Variants in WDR5 observed in about 807,000 individuals in gnomAD.
WDR5 encodes the protein WD repeat-containing protein 5.
For missense variants in WDR5, 187 were observed against 416.9 expected (o/e 0.45, Z 4.80); for synonymous variants, 144 against 161.6 (o/e 0.89, Z 0.83).
intron 7 of WDR5, among the ~76,000 whole-genome samples, chr9:134,145,756 C>T (rs1832160552): frequency 6.6e-6 from 1 of 152,138 alleles, no homozygotes; most frequent in Non-Finnish European, 1.5e-5. Context: ...CTGCCGACCC[C>T]CATCATCCAC....
chr9:134,148,186 CTTTTTTTTTTTTTT>C (rs34443303), intron 7 of WDR5, 88 bp from the exon 8 acceptor site: 12 of 285,760 alleles, frequency 4.2e-5, no homozygotes, highest in South Asian at 8.1e-5. Context: ...ATAACTCAGT[CTTTTTTTTTTTTTT>C]TTTTTTTTTT....
intron 7 of WDR5, among the ~76,000 whole-genome samples, chr9:134,143,828 TA>T (rs201310780): frequency 0.12 from 18,041 of 146,604 alleles, 1,394 homozygotes; most frequent in East Asian, 0.23. Context: ...ACTCTGTCTT[TA>T]AAAAAAAAAA....
At chr9:134,151,822 T>C (rs1832501757) in intron 8 of WDR5, among the ~76,000 whole-genome samples, 161 bp from the exon 9 acceptor site, 1 of 152,116 alleles carries the variant, frequency 6.6e-6, no homozygotes, top group South Asian at 2.1e-4. Context: ...TTAGTCTTTG[T>C]CCCTAGAATA....
intron 7 of WDR5, among the ~76,000 whole-genome samples, chr9:134,146,785 GT>G (rs1832227518): frequency 6.6e-6 from 1 of 152,246 alleles, no homozygotes; most frequent in African/African-American, 2.4e-5. Flanking sequence ...ATAAGAGACT[GT>G]TTTGCACATT....
chr9:134,157,774 T>A lies in WDR5; in HGVS notation c.905-119T>A. The stretch of plus-strand genomic sequence containing the variant: ...GGCAGTGGGTGCTTGTCCTGTGACC[T>A]CCCAGGTGGCGGGCAGGCGCTACCC... On this transcript the variant is annotated intron_variant, in intron 13 of 13. Coordinates refer to ENST00000358625, the MANE Select transcript of WDR5 (RefSeq NM_017588.3). This position sits in a 1 kb window ranked among gnomAD's most constrained non-coding sequence, Gnocchi z 5.0. 1 of 885,116 alleles carries A rather than the reference T, an allele frequency of 1.1e-6. No individual in the cohort carries two copies. Among genetic ancestry groups the A allele is most frequent in the Non-Finnish European group, 1.8e-6 (1 of 563,208 alleles). The allele number at this position is 885,116 out of a possible 1,614,324, so 54.8% of individuals were successfully genotyped here.
chr9:134,152,813 G>T (rs914263343), intron 9 of WDR5, among the ~76,000 whole-genome samples: 1 of 152,184 alleles, frequency 6.6e-6, no homozygotes, highest in African/African-American at 2.4e-5. Context: ...GCAGGAATGT[G>T]TCTCCCCGCA....
At chr9:134,137,317 C>T (rs1564186053) in intron 1 of WDR5, among the ~76,000 whole-genome samples, 1 of 152,170 alleles carries the variant, frequency 6.6e-6, no homozygotes, top group Non-Finnish European at 1.5e-5. Context: ...CCGCTTTCCT[C>T]AAGATCAAGT....
At position 134,157,666 on chromosome 9, in the gene WDR5, C is replaced by T. The variant is rs753725260; in HGVS notation, c.905-227C>T. Among the ~76,000 whole-genome samples, 1 of 152,080 alleles carries T rather than the reference C, an allele frequency of 6.6e-6. No individual in the cohort carries two copies. Among genetic ancestry groups the T allele is most frequent in the Non-Finnish European group, 1.5e-5 (1 of 68,004 alleles). ...CTGGCACTCCCTGTGGCCTCCTGCCCCTGTCCCCCAACCGGCTGTGTCGCC... is the reference window on the plus strand; with the variant it reads ...CTGGCACTCCCTGTGGCCTCCTGCCTCTGTCCCCCAACCGGCTGTGTCGCC... On this transcript the variant is annotated intron_variant, in intron 13 of 13. Coordinates refer to ENST00000358625, the MANE Select transcript of WDR5 (RefSeq NM_017588.3). This position sits in a 1 kb window ranked among gnomAD's most constrained non-coding sequence, Gnocchi z 5.0.
intron 7 of WDR5, among the ~76,000 whole-genome samples, chr9:134,144,435 GAATT>G (rs2132542721): frequency 6.6e-6 from 1 of 152,362 alleles, no homozygotes; most frequent in South Asian, 2.1e-4. Flanking sequence ...TTGGAAGAAA[GAATT>G]CTGTGAGCAT....
chr9:134,145,096 G>GTTTTTTTTGTTTTTT (rs1832110289), intron 7 of WDR5, among the ~76,000 whole-genome samples: 1 of 104,664 alleles, frequency 9.6e-6, no homozygotes, highest in African/African-American at 3.4e-5. Flanking sequence ...GTGGGGCTTT[G>GTTTTTTTTGTTTTTT]TTTTTTTTTT....
At chr9:134,150,817 G>A (rs1331712954) in intron 8 of WDR5, among the ~76,000 whole-genome samples, 2 of 152,068 alleles carry the variant, frequency 1.3e-5, no homozygotes, top group South Asian at 2.1e-4. Context: ...CTAGCTACGT[G>A]GTGTGATCTC....
chr9:134,156,394 C>A, intron 12 of WDR5, 112 bp from the exon 13 acceptor site: 1 of 1,087,900 alleles, frequency 9.2e-7, no homozygotes, highest in Non-Finnish European at 1.4e-6. Flanking sequence ...GCGAGGCAGC[C>A]ACCAGCAGGG....
chr9:134,135,275 A>G (rs950259168), upstream of WDR5: 3 of 152,170 alleles, frequency 2.0e-5, no homozygotes, highest in Admixed American at 6.5e-5. Context: ...TAAGCCCCTG[A>G]GTCCTCCTCT....
At chr9:134,154,327 G>T (rs1832650072) in intron 9 of WDR5, 139 bp from the exon 10 acceptor site, 1 of 851,220 alleles carries the variant, frequency 1.2e-6, no homozygotes, top group South Asian at 1.5e-5. Context: ...GGGGCGGCGA[G>T]GGGTGGTGGT....
Position 134,158,081 on chromosome 9 carries a change from C to A in WDR5, c.*88C>A, listed in dbSNP as rs1352652423. The A allele has an allele frequency of 1.6e-6, 2 of 1,229,912 alleles. No homozygotes were observed. Among genetic ancestry groups the A allele is most frequent in the Non-Finnish European group, 2.4e-6 (2 of 840,806 alleles). 76.2% of individuals were successfully genotyped at this position (1,229,912 alleles called of 1,614,324 possible). Reference sequence around the variant, plus strand: ...GTGTCTTGGAGGTGGTCCCCCAGATCTGCGCCTGGGGGTCAGGACAGGGCC... The same window carrying A: ...GTGTCTTGGAGGTGGTCCCCCAGATATGCGCCTGGGGGTCAGGACAGGGCC... On this transcript the variant is annotated 3_prime_UTR_variant, in exon 14 of 14. Coordinates refer to ENST00000358625, the MANE Select transcript of WDR5 (RefSeq NM_017588.3).
chr9:134,138,870 G>A (rs1231482306), intron 1 of WDR5, among the ~76,000 whole-genome samples: 2 of 152,296 alleles, frequency 1.3e-5, no homozygotes, highest in South Asian at 2.1e-4. Context: ...CTGGGATTCC[G>A]ATGGCCAGTG....
At chr9:134,149,148 C>T (rs918891967) in intron 8 of WDR5, among the ~76,000 whole-genome samples, 9 of 152,140 alleles carry the variant, frequency 5.9e-5, no homozygotes, top group East Asian at 1.9e-4. Flanking sequence ...TGACTGTTGG[C>T]GTGGGGATCC....
chr9:134,153,311 G>A (rs569682250), intron 9 of WDR5, among the ~76,000 whole-genome samples: 3 of 152,178 alleles, frequency 2.0e-5, no homozygotes, highest in East Asian at 1.9e-4. Flanking sequence ...CAGCCTGGGC[G>A]CCCCTGAGCC....
intron 8 of WDR5, among the ~76,000 whole-genome samples, chr9:134,149,810 TGGAAGCACCGCAGCG>T (rs1484361592): frequency 6.6e-6 from 1 of 152,176 alleles, no homozygotes; most frequent in Non-Finnish European, 1.5e-5. Context: ...AGGAGGTGGT[TGGAAGCACCGCAGCG>T]GGAGGAAGCG....
Sources: allele counts gnomAD v4.1 joint callset (sites outside exome capture counted in the v4.1 genomes callset), GRCh38; gene constraint gnomAD v4.1.1; non-coding constraint Gnocchi (gnomAD v3.1); transcripts MANE v1.5; gene names NCBI Gene and HGNC (gene_info 2026-07-23, HGNC 2026-07-21).